The following ADAM22 variants were observed in gnomAD, a reference collection of about 807,000 sequenced individuals.
ADAM22 encodes the protein ADAM metallopeptidase domain 22.
Under a neutral mutation model 144.6 loss-of-function variants are expected in ADAM22, and 65 were observed. That is an observed-to-expected ratio of 0.45 (90% CI 0.37 to 0.55). ADAM22 has a LOEUF of 0.55. Ranked by LOEUF, ADAM22 falls within the 20% of genes least tolerant of loss-of-function variation. The probability of loss-of-function intolerance (pLI) is 0.00; values close to 1 mark genes in which losing one functional copy is unlikely to be tolerated. For missense variants in ADAM22, 974 were observed against 1,184.9 expected (o/e 0.82, Z 2.61); for synonymous variants, 391 against 412.6 (o/e 0.95, Z 0.63).
chr7:88,004,931 T>C (rs573694699), intron 3 of ADAM22, among the ~76,000 whole-genome samples: 15 of 152,324 alleles, frequency 9.8e-5, no homozygotes, highest in Non-Finnish European at 2.9e-5. Flanking sequence ...AGAGCCCTAA[T>C]TGTCAGTGTA....
At chr7:88,092,525 T>C (rs1320550594) in intron 4 of ADAM22, among the ~76,000 whole-genome samples, 3 of 152,254 alleles carry the variant, frequency 2.0e-5, no homozygotes, top group Non-Finnish European at 2.9e-5. Flanking sequence ...GATGAGCTTA[T>C]TGATGTGTGC....
intron 27 of ADAM22, among the ~76,000 whole-genome samples, chr7:88,179,909 T>A (rs1846567574): frequency 1.3e-5 from 2 of 152,110 alleles, no homozygotes; most frequent in South Asian, 4.1e-4. Flanking sequence ...GAAAAAAGGT[T>A]TGGTAGCCCT....
At chr7:88,136,487 A>AT (rs1832999088) in intron 14 of ADAM22, among the ~76,000 whole-genome samples, 1 of 152,084 alleles carries the variant, frequency 6.6e-6, no homozygotes, top group African/African-American at 2.4e-5. Flanking sequence ...GTATTACTGA[A>AT]AAGGGAGTTG....
At chr7:88,096,002 C>G (rs1227232251) in intron 4 of ADAM22, among the ~76,000 whole-genome samples, 1 of 143,322 alleles carries the variant, frequency 7.0e-6, no homozygotes, top group African/African-American at 2.6e-5. Flanking sequence ...GATCATAGCT[C>G]ACTGTAAACT....
chr7:88,004,138 G>T (rs1241186741), intron 3 of ADAM22, among the ~76,000 whole-genome samples: 1 of 152,198 alleles, frequency 6.6e-6, no homozygotes, highest in African/African-American at 2.4e-5. Flanking sequence ...TGCATTGCCT[G>T]CACTAAGAGG....
intron 3 of ADAM22, among the ~76,000 whole-genome samples, chr7:88,062,384 C>T (rs1303388820): frequency 6.6e-6 from 1 of 152,226 alleles, no homozygotes; most frequent in African/African-American, 2.4e-5. Flanking sequence ...TAAACCTCAT[C>T]AAGCAGCCTC....
intron 3 of ADAM22, among the ~76,000 whole-genome samples, chr7:88,041,426 A>G (rs10279744): frequency 0.49 from 74,843 of 151,332 alleles, 19,105 homozygotes; most frequent in East Asian, 0.64. Context: ...TTTGTGGAAA[A>G]CTATACTAAT....
chr7:87,975,262 A>G (rs1321262144), intron 2 of ADAM22, among the ~76,000 whole-genome samples: 1 of 152,172 alleles, frequency 6.6e-6, no homozygotes, highest in Non-Finnish European at 1.5e-5. Flanking sequence ...TGAGAATACT[A>G]TGTTTATTTT....
At position 87,934,421 on chromosome 7, in the gene ADAM22, A is replaced by C. The variant is rs576741440; in HGVS notation, c.-45A>C. ...GGGAAACGGACTCGGCGGCGCCGGCATGAGGAGCTGAGCGTCTCGGGCGAG... is the reference window on the plus strand; with the variant it reads ...GGGAAACGGACTCGGCGGCGCCGGCCTGAGGAGCTGAGCGTCTCGGGCGAG... On this transcript the variant is annotated 5_prime_UTR_variant, in exon 1 of 32. The change abolishes an upstream ATG in the 5' untranslated region. Transcript: ENST00000413139. The C allele has an allele frequency of 5.8e-6, 9 of 1,549,738 alleles. No individual in the cohort carries two copies. The highest frequency in any genetic ancestry group is 5.6e-5 in the Admixed American group (3 of 53,774).
chr7:87,975,397 CA>C (rs1851671245), intron 2 of ADAM22, among the ~76,000 whole-genome samples: 1 of 152,212 alleles, frequency 6.6e-6, no homozygotes, highest in Non-Finnish European at 1.5e-5. Context: ...TAGCTCCCAG[CA>C]CTTGGTAGGC....
chr7:88,041,499 A>C (rs1283121113), intron 3 of ADAM22, among the ~76,000 whole-genome samples: 1 of 151,864 alleles, frequency 6.6e-6, no homozygotes, highest in Non-Finnish European at 1.5e-5. Context: ...ATACTCATCT[A>C]TATCTATACA....
chr7:88,154,907 G>A (rs1479868263), intron 21 of ADAM22, among the ~76,000 whole-genome samples: 1 of 151,676 alleles, frequency 6.6e-6, no homozygotes, highest in Non-Finnish European at 1.5e-5. Flanking sequence ...ATATAATCTT[G>A]CTGACTTACT....
At chr7:88,189,413 G>C (rs901590455) in intron 30 of ADAM22, among the ~76,000 whole-genome samples, 1 of 152,156 alleles carries the variant, frequency 6.6e-6, no homozygotes, top group Non-Finnish European at 1.5e-5. Flanking sequence ...TGTATCCAGT[G>C]CCTATGATAT....
intron 30 of ADAM22, 80 bp downstream of exon 30, chr7:88,186,781 C>G: frequency 5.8e-6 from 5 of 868,796 alleles, no homozygotes; most frequent in Middle Eastern, 3.5e-4. Context: ...GGCTCTCTAT[C>G]TTGTATCTCC....
intron 4 of ADAM22, among the ~76,000 whole-genome samples, chr7:88,100,624 A>G (rs1423672391): frequency 1.3e-5 from 2 of 152,196 alleles, no homozygotes; most frequent in African/African-American, 4.8e-5. Flanking sequence ...AGCTTTTTTA[A>G]GAATTTCCAT....
chr7:88,084,556 CA>C (rs1486735319), intron 4 of ADAM22, among the ~76,000 whole-genome samples: 4 of 152,146 alleles, frequency 2.6e-5, no homozygotes, highest in Non-Finnish European at 1.5e-5. Flanking sequence ...AGTCAGTAGC[CA>C]ATTATTTCTC....
chr7:88,061,342 T>C (rs562238470), intron 3 of ADAM22, among the ~76,000 whole-genome samples: 1 of 152,310 alleles, frequency 6.6e-6, no homozygotes, highest in African/African-American at 2.4e-5. Context: ...CTTAATGGCA[T>C]CTAGATGGGG....
chr7:88,081,296 C>T (rs1816537885), intron 4 of ADAM22, among the ~76,000 whole-genome samples: 2 of 152,152 alleles, frequency 1.3e-5, no homozygotes, highest in African/African-American at 4.8e-5. Context: ...AACAGCCCTT[C>T]ATGCTAAAAA....
intron 2 of ADAM22, among the ~76,000 whole-genome samples, chr7:87,958,578 G>A (rs1479866271): frequency 6.6e-6 from 1 of 152,066 alleles, no homozygotes; most frequent in Non-Finnish European, 1.5e-5. Flanking sequence ...TAGAGATGGG[G>A]TTTCACCATG....
Sources: gnomAD v4.1 joint callset for allele counts (sites outside exome capture counted in the v4.1 genomes callset) on GRCh38, gnomAD v4.1.1 for gene constraint, MANE v1.5 for transcripts, NCBI Gene and HGNC (gene_info 2026-07-23, HGNC 2026-07-21) for gene names.